The following RORB variants were observed in gnomAD, a reference collection of about 807,000 sequenced individuals.
RORB encodes the protein RAR related orphan receptor B.
Under a neutral mutation model 59.1 loss-of-function variants are expected in RORB, and 6 were observed. That is an observed-to-expected ratio of 0.10 (90% CI 0.06 to 0.20). The LOEUF (loss-of-function observed/expected upper bound fraction) is 0.20. Among genes scored for constraint, RORB ranks in the 10% least tolerant of loss-of-function variants. RORB has a pLI of 1.00. For missense variants in RORB, 320 were observed against 560.5 expected (o/e 0.57, Z 4.33); for synonymous variants, 215 against 204.5 (o/e 1.05, Z -0.44).
At position 74,692,429 on chromosome 9, in the gene RORB, C is replaced by T. The variant is rs192255320; in HGVS notation, c.*6811C>T. 1.3e-5 allele frequency: 2 copies of T among 152,312 alleles called. No individual in the cohort carries two copies. The highest frequency in any genetic ancestry group is 1.9e-4 in the East Asian group (1 of 5,182). The allele number at this position is 152,312 out of a possible 1,614,324, so 9.4% of individuals were successfully genotyped here. On this transcript the variant is annotated 3_prime_UTR_variant, in exon 10 of 10. Coordinates refer to ENST00000376896, the MANE Select transcript of RORB (RefSeq NM_006914.4). Reference sequence around the variant, plus strand: ...TGAGAGAAATGATTTTCATATACTTCCAACATTCAGAGATTTAATGTTTTT... The same window carrying T: ...TGAGAGAAATGATTTTCATATACTTTCAACATTCAGAGATTTAATGTTTTT...
chr9:74,655,496 C>A (rs1043295243), intron 4 of RORB, among the ~76,000 whole-genome samples: 2 of 152,162 alleles, frequency 1.3e-5, no homozygotes, highest in African/African-American at 4.8e-5. Context: ...TGTGAGATTG[C>A]CCAGAAAGAT....
chr9:74,636,523 G>A, intron 3 of RORB, among the ~76,000 whole-genome samples: 1 of 152,154 alleles, frequency 6.6e-6, no homozygotes, highest in Non-Finnish European at 1.5e-5. Context: ...TGTGTCGGGA[G>A]GATGGGAGGG....
intron 1 of RORB, among the ~76,000 whole-genome samples, chr9:74,517,285 T>C (rs974185840): frequency 6.6e-6 from 1 of 152,040 alleles, no homozygotes; most frequent in Admixed American, 6.6e-5. Flanking sequence ...TTTATTCCCA[T>C]GATTCCAATG....
At chr9:74,627,702 A>G (rs1351602285) in intron 1 of RORB, among the ~76,000 whole-genome samples, 1 of 152,140 alleles carries the variant, frequency 6.6e-6, no homozygotes, top group East Asian at 1.9e-4. Flanking sequence ...CTTTGACTTA[A>G]TATTATATAA....
intron 1 of RORB, among the ~76,000 whole-genome samples, chr9:74,551,711 A>G (rs1442022042): frequency 6.6e-6 from 1 of 152,206 alleles, no homozygotes; most frequent in African/African-American, 2.4e-5. Flanking sequence ...AGTTTAACTT[A>G]ATCTTAGGTT....
Position 74,685,617 on chromosome 9 carries a change from G to T in RORB, c.1379G>T (p.Ter460LeuextTer23). 6.3e-7 allele frequency: 1 copy of T among 1,591,038 alleles called. No homozygotes were observed. The highest frequency in any genetic ancestry group is 8.6e-7 in the Non-Finnish European group (1 of 1,163,092). ...CCTGACTGTGCCACCGGCTGCAAAT[G>T]AAGGGGACAAGAGAACTGTCTCATA... ...FNPDCATGCK[*>L] is the part of the protein sequence containing the mutation. Residue 460 changes from the stop codon to leucine (L), a stop_lost, in exon 10 of 10, where the codon TGA (stop) becomes TTA (leucine). Coordinates refer to ENST00000376896, the MANE Select transcript of RORB (RefSeq NM_006914.4).
At chr9:74,500,709 A>C (rs1587328031) in intron 1 of RORB, among the ~76,000 whole-genome samples, 1 of 150,276 alleles carries the variant, frequency 6.7e-6, no homozygotes, top group East Asian at 2.0e-4. Flanking sequence ...CCCACCCCCT[A>C]CTCCTCCCCC....
At chr9:74,580,680 G>T (rs1471019683) in intron 1 of RORB, among the ~76,000 whole-genome samples, 1 of 152,120 alleles carries the variant, frequency 6.6e-6, no homozygotes, top group African/African-American at 2.4e-5. Context: ...TCAGTTAGTT[G>T]CATTTTCCTT....
Position 74,509,020 on chromosome 9 carries a change from GT to G in RORB, c.7+11040del, listed in dbSNP as rs1168813617. Reference sequence around the variant, plus strand: ...AAGTCTGAATGCAACCTCCGCTACCGTTTGGCCAGCATTGGCCCTTAAGATA... The same window carrying G: ...AAGTCTGAATGCAACCTCCGCTACCGTTGGCCAGCATTGGCCCTTAAGATA... On this transcript the variant is annotated intron_variant, in intron 1 of 9. Transcript: ENST00000376896. 2.4e-4 allele frequency among the ~76,000 whole-genome samples: 37 copies of G among 151,944 alleles called. No homozygotes were observed. In the Middle Eastern group the frequency reaches 0.01, roughly 42 times the overall value.
intron 9 of RORB, among the ~76,000 whole-genome samples, chr9:74,675,439 G>C (rs1039842535): frequency 2.0e-5 from 3 of 152,036 alleles, no homozygotes; most frequent in Non-Finnish European, 2.9e-5. Context: ...AGGTTGGACT[G>C]CATGGTCTTT....
chr9:74,560,488 T>C (rs1822379183), intron 1 of RORB, among the ~76,000 whole-genome samples: 1 of 152,036 alleles, frequency 6.6e-6, no homozygotes. Flanking sequence ...TCAGGGAAAA[T>C]GGCATGAGCA....
chr9:74,541,758 T>C (rs1826411345), intron 1 of RORB, among the ~76,000 whole-genome samples: 1 of 152,220 alleles, frequency 6.6e-6, no homozygotes, highest in Admixed American at 6.5e-5. Context: ...TTTAAGCTTT[T>C]ATTTCTGAGC....
intron 1 of RORB, among the ~76,000 whole-genome samples, chr9:74,525,613 C>T (rs1272271120): frequency 2.0e-5 from 3 of 151,896 alleles, no homozygotes; most frequent in African/African-American, 7.2e-5. Flanking sequence ...AGAATTTTCA[C>T]TCTATGAACA....
intron 1 of RORB, among the ~76,000 whole-genome samples, chr9:74,628,041 A>G (rs1823549960): frequency 6.6e-6 from 1 of 152,164 alleles, no homozygotes; most frequent in African/African-American, 2.4e-5. Flanking sequence ...TCACAAATCT[A>G]TGAAGTTTGT....
chr9:74,680,223 CA>C (rs1824525222), intron 9 of RORB, among the ~76,000 whole-genome samples: 1 of 152,140 alleles, frequency 6.6e-6, no homozygotes, highest in South Asian at 2.1e-4. Flanking sequence ...TCATAGAACT[CA>C]AGGTTAAAAA....
chr9:74,503,274 C>T (rs1428410397), intron 1 of RORB, among the ~76,000 whole-genome samples: 1 of 151,942 alleles, frequency 6.6e-6, no homozygotes, highest in Non-Finnish European at 1.5e-5. Context: ...ATTTATCTTA[C>T]TTTGAATAGA....
chr9:74,515,220 G>A (rs1825991714), intron 1 of RORB, among the ~76,000 whole-genome samples: 1 of 151,434 alleles, frequency 6.6e-6, no homozygotes, highest in South Asian at 2.1e-4. Flanking sequence ...TATTAACTCA[G>A]TTAATCCTCA....
intron 1 of RORB, among the ~76,000 whole-genome samples, chr9:74,533,436 A>G (rs934770574): frequency 6.6e-6 from 1 of 152,008 alleles, no homozygotes; most frequent in Non-Finnish European, 1.5e-5. Flanking sequence ...AGTGACAGCA[A>G]CATCCCCAAC....
At chr9:74,630,123 A>C (rs1823591148) in intron 1 of RORB, 159 bp from the exon 2 acceptor site, 1 of 468,478 alleles carries the variant, frequency 2.1e-6, no homozygotes, top group Non-Finnish European at 2.8e-6. Context: ...AGCTTAGGAC[A>C]GCCATGCAAA....
Sources: gnomAD v4.1 joint callset for allele counts (sites outside exome capture counted in the v4.1 genomes callset) on GRCh38, gnomAD v4.1.1 for gene constraint, MANE v1.5 for transcripts, NCBI Gene and HGNC (gene_info 2026-07-23, HGNC 2026-07-21) for gene names.